The following AMT variants were observed in gnomAD, a reference collection of about 807,000 sequenced individuals.
The protein encoded by AMT is aminomethyltransferase.
AMT carries 24 observed loss-of-function variants against 39.5 expected under a neutral mutation model. The ratio of observed to expected loss-of-function variants is 0.61; its 90% CI spans 0.44 to 0.86. The LOEUF (loss-of-function observed/expected upper bound fraction) is 0.86. Among genes scored for constraint, AMT ranks in the 40% least tolerant of loss-of-function variants. The probability of loss-of-function intolerance (pLI) is 0.00; values close to 1 mark genes in which losing one functional copy is unlikely to be tolerated. For synonymous variants in AMT, 210 were observed against 212.1 expected, an observed-to-expected ratio of 0.99 and a Z score of 0.09; for missense variants, 501 against 537.0, an observed-to-expected ratio of 0.93 and a Z score of 0.66.
In AMT at chr3:49,417,212, T is replaced by C. The variant is rs1185105693; in HGVS notation, c.*328A>G. The C allele has an allele frequency of 6.6e-7, 1 of 1,511,652 alleles. No homozygotes were observed. Among genetic ancestry groups the C allele is most frequent in the Non-Finnish European group, 9.1e-7 (1 of 1,104,756 alleles). 93.6% of individuals were successfully genotyped at this position (1,511,652 alleles called of 1,614,324 possible). A position where few individuals can be genotyped will look rare whatever the true frequency, so the allele number is the denominator to read the frequency against. On this transcript the variant is annotated 3_prime_UTR_variant, in exon 9 of 9. Transcript: ENST00000273588. The stretch of plus-strand genomic sequence containing the variant: ...TTATCCTCTCCACAAAGGTGAGCCT[T>C]TGCTCCACAGCCAGCACCTGGCAGA...
rs2107932948 is a variant in AMT, at chr3:49,419,783, C to T, written c.477G>A (p.Lys159=). 1 of 1,614,138 alleles carries T rather than the reference C, an allele frequency of 6.2e-7. No homozygotes were observed. The highest frequency in any genetic ancestry group is 1.7e-4 in the Middle Eastern group (1 of 6,060). Residue 159 remains lysine (K), a synonymous_variant, in exon 5 of 9, where the codon AAG becomes AAA. Coordinates refer to ENST00000273588, the MANE Select transcript of AMT (RefSeq NM_000481.4). ...TGCCCTGGTTCTGAAGCTCCCTGACCTTGTCCTAAAAGACAGAAACACAAG... is the reference window on the plus strand; with the variant it reads ...TGCCCTGGTTCTGAAGCTCCCTGACTTTGTCCTAAAAGACAGAAACACAAG... The part of the protein sequence containing the change: ...WEKDLALMQD[K]VRELQNQGRD...
Position 49,417,132 on chromosome 3 carries a change from C to T in AMT, c.*408G>A. 1.2e-6 allele frequency: 1 copy of T among 841,312 alleles called. No homozygotes were observed. Among genetic ancestry groups the T allele is most frequent in the Non-Finnish European group, 1.9e-6 (1 of 514,706 alleles). The allele number at this position is 841,312 out of a possible 1,614,324, so 52.1% of individuals were successfully genotyped here. On this transcript the variant is annotated 3_prime_UTR_variant, in exon 9 of 9. Coordinates refer to ENST00000273588, the MANE Select transcript of AMT (RefSeq NM_000481.4). Reference sequence around the variant, plus strand: ...GGGGGTAGCCTAAGTCCGCACTGCCCATGTTATTACCCTTTGCAATGTGAA... The same window carrying T: ...GGGGGTAGCCTAAGTCCGCACTGCCTATGTTATTACCCTTTGCAATGTGAA...
Position 49,419,116 on chromosome 3 carries a change from T to G in AMT, c.732A>C (p.Ala244=), listed in dbSNP as rs2049053045. The change falls in exon 7 of 9, where the codon GCA becomes GCC. Residue 244 remains alanine (A), a synonymous_variant. Coordinates refer to ENST00000273588, the MANE Select transcript of AMT (RefSeq NM_000481.4). ...CCTCTGGGTTTTTCAGAATAGCTGT[T>G]GCCAGGTGAACTGCCCCCGCTACCG... ...SVPVAGAVHL[A]TAILKNPEVK... is the part of the protein sequence containing the mutation. The G allele has an allele frequency of 3.7e-6, 6 of 1,614,080 alleles. No homozygotes were observed. The highest frequency in any genetic ancestry group is 5.1e-6 in the Non-Finnish European group (6 of 1,179,992).
intron 7 of AMT, chr3:49,418,183 GTTTC>G (rs1443766611): frequency 2.3e-4 from 135 of 585,762 alleles, no homozygotes; most frequent in East Asian, 2.3e-3. Flanking sequence ...AGCGTCTTCA[GTTTC>G]TTTTTTTTTT....
chr3:49,417,345 C>G lies in AMT; in HGVS notation c.*195G>C. ...ACATTGTGTGAGCTGGTCCGTCACT[C>G]AGAAGCAGGGTCCTGAAGGAAGCTG... On this transcript the variant is annotated 3_prime_UTR_variant, in exon 9 of 9. Transcript: ENST00000273588. 6.3e-7 allele frequency: 1 copy of G among 1,596,194 alleles called. No homozygotes were observed. The highest frequency in any genetic ancestry group is 1.1e-5 in the South Asian group (1 of 90,946).
rs757410950 is a variant in AMT at position 49,417,102 on chromosome 3, CTG to C, written c.*436_*437del. 14 of 722,856 alleles carry C rather than the reference CTG, an allele frequency of 1.9e-5. No individual in the cohort carries two copies. In the African/African-American group the frequency reaches 2.3e-4, roughly 12 times the overall value. The allele number at this position is 722,856 out of a possible 1,614,324, so 44.8% of individuals were successfully genotyped here. A position where few individuals can be genotyped will look rare whatever the true frequency, so the allele number is the denominator to read the frequency against. On this transcript the variant is annotated 3_prime_UTR_variant, in exon 9 of 9. Transcript: ENST00000273588. The stretch of plus-strand genomic sequence containing the variant: ...ACAATTTGCATTTACGGAAAGCAAA[CTG>C]GAGGGGGTAGCCTAAGTCCGCACTG...
At chr3:49,421,917 AGAT>A in intron 2 of AMT, 184 bp downstream of exon 2, 1 of 836,928 alleles carries the variant, frequency 1.2e-6, no homozygotes. Flanking sequence ...TAGAAGGATG[AGAT>A]GATGAGACCC....
chr3:49,417,650 C>A lies in AMT; in HGVS notation c.1102G>T (p.Glu368Ter). The change falls in exon 9 of 9, where the codon GAG becomes TAG. Residue 368 changes from glutamate (E) to a stop codon, truncating the protein, a stop_gained. Transcript: ENST00000273588. LOFTEE classifies it high-confidence loss of function. ...KNVAMGYVPCEYSRPGTMLLV... is the reference protein window; with the variant it reads ...KNVAMGYVPC The stretch of plus-strand genomic sequence containing the variant: ...AGCATTGTCCCTGGACGACTGTACT[C>A]GCAGGGCACATAACCCATCGCCACA... 6.2e-7 allele frequency: 1 copy of A among 1,614,146 alleles called. No homozygotes were observed. Among genetic ancestry groups the A allele is most frequent in the African/African-American group, 1.3e-5 (1 of 75,032 alleles).
chr3:49,417,027 G>A lies in AMT; in HGVS notation c.*513C>T. On this transcript the variant is annotated 3_prime_UTR_variant, in exon 9 of 9. Coordinates refer to ENST00000273588, the MANE Select transcript of AMT (RefSeq NM_000481.4). ...CAGCCATCCCCAAGTTTACACACAG[G>A]CATAGCAGCCCTACTGTGAGTCAGC... 2 of 551,494 alleles carry A rather than the reference G, an allele frequency of 3.6e-6. No individual in the cohort carries two copies. The highest frequency in any genetic ancestry group is 6.9e-6 in the Non-Finnish European group (2 of 290,528). The allele number at this position is 551,494 out of a possible 1,614,324, so 34.2% of individuals were successfully genotyped here.
At position 49,417,584 on chromosome 3, in the gene AMT, T is replaced by A; in HGVS notation, c.1168A>T (p.Ser390Cys). The A allele has an allele frequency of 6.2e-7, 1 of 1,614,218 alleles. No individual in the cohort carries two copies. Residue 390 changes from serine to cysteine, a missense_variant, in exon 9 of 9, where the codon AGC becomes TGC. By Grantham distance (112) the Ser-to-Cys change is moderately radical. Coordinates refer to ENST00000273588, the MANE Select transcript of AMT (RefSeq NM_000481.4). ...TTTGTGGGCACAAAGGGCATCTTGCTGACTACAGCCATCTGCTGCTTCCGC... is the reference window on the plus strand; with the variant it reads ...TTTGTGGGCACAAAGGGCATCTTGCAGACTACAGCCATCTGCTGCTTCCGC... ...VRRKQQMAVV[S>C]KMPFVPTNYY...
At chr3:49,421,436 C>A (rs2049100357) in intron 3 of AMT, 56 bp downstream of exon 3, 3 of 1,435,780 alleles carry the variant, frequency 2.1e-6, no homozygotes, top group Middle Eastern at 1.8e-4. Flanking sequence ...AGGGACTCAG[C>A]CCATTTGCTG....
intron 3 of AMT, chr3:49,421,142 T>C (rs1433373625): frequency 3.0e-6 from 1 of 329,326 alleles, no homozygotes; most frequent in East Asian, 7.5e-5. Context: ...TGACCTCAGG[T>C]GATCCACCCG....
chr3:49,419,513 C>A (rs2049063072), intron 5 of AMT, 108 bp from the exon 6 acceptor site: 2 of 1,546,570 alleles, frequency 1.3e-6, no homozygotes, highest in East Asian at 4.7e-5. Flanking sequence ...TCTTACTCTG[C>A]AAGTGGGAGA....
At chr3:49,419,528 GCCCTTGTCCCTAGCC>G in intron 5 of AMT, 123 bp from the exon 6 acceptor site, 21 of 1,509,866 alleles carry the variant, frequency 1.4e-5, no homozygotes, top group Non-Finnish European at 1.9e-5. Flanking sequence ...GGGAGAAGAT[GCCCTTGTCCCTAGCC>G]CATGGAGCCT....
rs1454012600 is a variant in AMT at position 49,419,117 on chromosome 3, G to T, written c.731C>A (p.Ala244Glu). ...CTCTGGGTTTTTCAGAATAGCTGTTGCCAGGTGAACTGCCCCCGCTACCGG... is the reference window on the plus strand; with the variant it reads ...CTCTGGGTTTTTCAGAATAGCTGTTTCCAGGTGAACTGCCCCCGCTACCGG... ...SVPVAGAVHL[A>E]TAILKNPEVK... The change falls in exon 7 of 9, where the codon GCA (alanine) becomes GAA (glutamate). Residue 244 changes from alanine (A) to glutamate (E), a missense_variant. Coordinates refer to ENST00000273588, the MANE Select transcript of AMT (RefSeq NM_000481.4). The T allele has an allele frequency of 6.2e-7, 1 of 1,613,826 alleles. No individual in the cohort carries two copies.
At chr3:49,419,454 A>C (rs766816589) in intron 5 of AMT, 49 bp from the exon 6 acceptor site, 13 of 1,602,660 alleles carry the variant, frequency 8.1e-6, no homozygotes, top group Admixed American at 3.5e-5. Context: ...AGCATCCCTC[A>C]AAGCTGGACT....
intron 5 of AMT, 122 bp from the exon 6 acceptor site, chr3:49,419,527 T>C: frequency 1.3e-6 from 2 of 1,516,266 alleles, no homozygotes; most frequent in South Asian, 1.2e-5. Flanking sequence ...TGGGAGAAGA[T>C]GCCCTTGTCC....
At position 49,417,800 on chromosome 3, in the gene AMT, C is replaced by T. The variant is rs375727509; in HGVS notation, c.1033+18G>A. The T allele has an allele frequency of 1.7e-5, 27 of 1,613,972 alleles. No individual in the cohort carries two copies. The highest frequency in any genetic ancestry group is 2.3e-5 in the Non-Finnish European group (27 of 1,180,028). On this transcript the variant is annotated intron_variant, in intron 8 of 8. Transcript: ENST00000273588. Reference sequence around the variant, plus strand: ...CTGGGAAGAGACAAGGGTTTCCCAGCTTCCCTGGTCCACCTACCAATCTTG... The same window carrying T: ...CTGGGAAGAGACAAGGGTTTCCCAGTTTCCCTGGTCCACCTACCAATCTTG...
Position 49,417,584 on chromosome 3 carries a change from T to G in AMT, c.1168A>C (p.Ser390Arg). 1 of 1,614,218 alleles carries G rather than the reference T, an allele frequency of 6.2e-7. No individual in the cohort carries two copies. Among genetic ancestry groups the G allele is most frequent in the Non-Finnish European group, 8.5e-7 (1 of 1,180,030 alleles). Residue 390 changes from serine (S) to arginine (R), a missense_variant, in exon 9 of 9, where the codon AGC becomes CGC. Transcript: ENST00000273588. ...VRRKQQMAVV[S>R]KMPFVPTNYY... Reference sequence around the variant, plus strand: ...TTTGTGGGCACAAAGGGCATCTTGCTGACTACAGCCATCTGCTGCTTCCGC... The same window carrying G: ...TTTGTGGGCACAAAGGGCATCTTGCGGACTACAGCCATCTGCTGCTTCCGC...
Sources: allele counts gnomAD v4.1 joint callset, GRCh38; gene constraint gnomAD v4.1.1; transcripts MANE v1.5; gene names NCBI Gene and HGNC (gene_info 2026-07-23, HGNC 2026-07-21).